Variants in TLR6 observed in about 807,000 individuals in gnomAD.
TLR6 encodes the protein toll-like receptor 6.
Under a neutral mutation model 16.1 loss-of-function variants are expected in TLR6, and 9 were observed. The ratio of observed to expected loss-of-function variants is 0.56; its 90% CI spans 0.34 to 0.98. The LOEUF (loss-of-function observed/expected upper bound fraction) is 0.98, where lower values mean the gene tolerates loss of function less well. Ranked by LOEUF, TLR6 falls within the 50% of genes least tolerant of loss-of-function variation. The pLI is 0.02. For synonymous variants in TLR6, 340 were observed against 338.6 expected (o/e 1.00, Z -0.04); for missense variants, 786 against 921.0 (o/e 0.85, Z 1.90).
chr4:38,862,187 C>G, the TLR6 span, among the ~76,000 whole-genome samples: 1 of 152,178 alleles, frequency 6.6e-6, no homozygotes, highest in Non-Finnish European at 1.5e-5. Flanking sequence ...AGCACTGGGT[C>G]CCCTTCCTGC....
exon 2 of TLR6, chr4:38,827,573 T>G: frequency 6.2e-7 from 1 of 1,614,224 alleles, no homozygotes; most frequent in East Asian, 2.2e-5. Flanking sequence ...TTGGAGTTCT[T>G]CTAAGGGTAT....
At chr4:38,827,019 G>T in exon 2 of TLR6, 1 of 1,272,478 alleles carries the variant, frequency 7.9e-7, no homozygotes, top group South Asian at 1.6e-5. Context: ...AGTTACTTAC[G>T]ACTGTACTAT....
Position 38,831,307 on chromosome 4 carries a change from G to A in TLR6, c.-64-1770C>T, listed in dbSNP as rs60955767. Among the ~76,000 whole-genome samples the A allele has an allele frequency of 5.7e-3, 644 of 112,746 alleles. 3 individuals are homozygous for A. Among genetic ancestry groups the A allele is most frequent in the African/African-American group, 0.02 (587 of 29,074 alleles). 74.0% of individuals were successfully genotyped at this position (112,746 alleles called of 152,430 possible). A position where few individuals can be genotyped will look rare whatever the true frequency, so the allele number is the denominator to read the frequency against. On this transcript the variant is annotated intron_variant, in intron 1 of 1. Coordinates refer to ENST00000436693, the Ensembl canonical transcript of TLR6. ...ACCTCCACATGCAAAAAAAAAAAAA[G>A]AAGAAGAAGAGAAAGAATTTAGACG...
intron 1 of TLR6, among the ~76,000 whole-genome samples, chr4:38,855,211 CAAAA>C (rs3042439): frequency 1.8e-5 from 2 of 108,756 alleles, no homozygotes; most frequent in Admixed American, 9.9e-5. Context: ...GACTCCGTCT[CAAAA>C]AAAAAAAAAA....
At chr4:38,833,723 C>A (rs1201264795) in intron 1 of TLR6, among the ~76,000 whole-genome samples, 2 of 151,924 alleles carry the variant, frequency 1.3e-5, no homozygotes, top group African/African-American at 4.8e-5. Context: ...CTATAAAATG[C>A]CTGAAAAGTA....
chr4:38,834,339 C>T (rs761701377), intron 1 of TLR6, among the ~76,000 whole-genome samples: 4 of 143,762 alleles, frequency 2.8e-5, no homozygotes, highest in South Asian at 4.5e-4. Flanking sequence ...TTTGAAATAA[C>T]CCAGTGAGGC....
intron 1 of TLR6, among the ~76,000 whole-genome samples, chr4:38,835,232 C>T (rs1711851779): frequency 6.6e-6 from 1 of 152,038 alleles, no homozygotes; most frequent in African/African-American, 2.4e-5. Flanking sequence ...GACATTCACC[C>T]CACCTTCAAA....
At position 38,838,421 on chromosome 4, in the gene TLR6, A is replaced by C. The variant is rs77691360; in HGVS notation, c.-64-8884T>G. Reference sequence around the variant, plus strand: ...ATGGAATACCATTCAGCCATTTAAAATAATTAAATCCTGTCATTTGCAGCA... The same window carrying C: ...ATGGAATACCATTCAGCCATTTAAACTAATTAAATCCTGTCATTTGCAGCA... On this transcript the variant is annotated intron_variant, in intron 1 of 1. Transcript: ENST00000436693. Among the ~76,000 whole-genome samples the C allele has an allele frequency of 5.9e-3, 895 of 152,360 alleles. 25 individuals are homozygous for C. The East Asian group carries it at 0.072, about 12-fold the overall frequency.
rs544966491 is a variant in TLR6 at position 38,839,309 on chromosome 4, T to A, written c.-64-9772A>T. On this transcript the variant is annotated intron_variant, in intron 1 of 1. Transcript: ENST00000436693. ...AAAAATAAAGTCTATTGATTTTTTT[T>A]TAAAAAAAATTAATAGAAATGGAAA... Among the ~76,000 whole-genome samples, 965 of 119,312 alleles carry A rather than the reference T, an allele frequency of 8.1e-3. 13 individuals are homozygous for A. The highest frequency in any genetic ancestry group is 0.039 in the African/African-American group (876 of 22,422). The allele number at this position is 119,312 out of a possible 152,430, so 78.3% of individuals were successfully genotyped here.
At chr4:38,830,647 C>T (rs1257155652) in intron 1 of TLR6, among the ~76,000 whole-genome samples, 2 of 151,972 alleles carry the variant, frequency 1.3e-5, no homozygotes, top group Non-Finnish European at 2.9e-5. Context: ...CCGAGGAAGT[C>T]GAGGCTCCAA....
At chr4:38,857,009 G>A (rs976556520), upstream of TLR6, among the ~76,000 whole-genome samples, 14 of 152,156 alleles carry the variant, frequency 9.2e-5, no homozygotes, top group African/African-American at 3.4e-4. Context: ...ATTCGTGTGA[G>A]GAAGCAACTT....
chr4:38,834,024 C>T (rs930858795), intron 1 of TLR6, among the ~76,000 whole-genome samples: 10 of 150,144 alleles, frequency 6.7e-5, no homozygotes, highest in Non-Finnish European at 4.4e-5. Context: ...GTCAGGAGTT[C>T]GAGACCAGCC....
At chr4:38,827,602 A>T in exon 2 of TLR6, 1 of 1,613,048 alleles carries the variant, frequency 6.2e-7, no homozygotes, top group Non-Finnish European at 8.5e-7. Flanking sequence ...CCCTGCGCCG[A>T]GTCTGGGTCC....
intron 1 of TLR6, among the ~76,000 whole-genome samples, chr4:38,840,291 C>A (rs1461991116): frequency 6.6e-6 from 1 of 152,170 alleles, no homozygotes; most frequent in Non-Finnish European, 1.5e-5. Flanking sequence ...GCCTAAAGCA[C>A]CCAGTGAAGT....
chr4:38,851,570 AC>A (rs1712773987), intron 1 of TLR6, among the ~76,000 whole-genome samples: 1 of 152,216 alleles, frequency 6.6e-6, no homozygotes, highest in African/African-American at 2.4e-5. Context: ...TACAAAAATC[AC>A]AAGCATTCTT....
At chr4:38,830,622 G>A (rs1217974994) in intron 1 of TLR6, among the ~76,000 whole-genome samples, 2 of 152,156 alleles carry the variant, frequency 1.3e-5, no homozygotes, top group African/African-American at 4.8e-5. Flanking sequence ...GGCTGAGTGG[G>A]AGGATTGTTT....
chr4:38,851,739 G>A (rs1712782450), intron 1 of TLR6, among the ~76,000 whole-genome samples: 1 of 151,880 alleles, frequency 6.6e-6, no homozygotes, highest in Admixed American at 6.6e-5. Flanking sequence ...AATAAAAGAG[G>A]ACACAAACAA....
intron 1 of TLR6, among the ~76,000 whole-genome samples, chr4:38,839,828 G>A (rs1712160028): frequency 6.6e-6 from 1 of 152,182 alleles, no homozygotes; most frequent in Non-Finnish European, 1.5e-5. Context: ...TTCTGAGTGT[G>A]GCCTATTGGG....
chr4:38,854,182 A>T (rs1297338231), intron 1 of TLR6, among the ~76,000 whole-genome samples: 1 of 152,236 alleles, frequency 6.6e-6, no homozygotes, highest in African/African-American at 2.4e-5. Context: ...CACAAAAAAT[A>T]AAACAGCACG....
Sources: gnomAD v4.1 joint callset for allele counts (sites outside exome capture counted in the v4.1 genomes callset) on GRCh38, gnomAD v4.1.1 for gene constraint, MANE v1.5 for transcripts, NCBI Gene and HGNC (gene_info 2026-07-23, HGNC 2026-07-21) for gene names.